The following KIF27 variants were observed in gnomAD, a reference collection of about 807,000 sequenced individuals.
KIF27 encodes kinesin-like protein KIF27.
In KIF27, 84 loss-of-function variants were observed where a neutral mutation model predicts 141.8. The observed-to-expected ratio is 0.59, with a 90% CI of 0.50 to 0.71. The LOEUF (loss-of-function observed/expected upper bound fraction) is 0.71. Ranked by LOEUF, KIF27 falls within the 30% of genes least tolerant of loss-of-function variation. The pLI, the probability that KIF27 is intolerant of heterozygous loss-of-function variation, is 0.00. For missense variants in KIF27, 1,306 were observed against 1,628.4 expected, an observed-to-expected ratio of 0.80 and a Z score of 3.41; for synonymous variants, 471 against 569.5, an observed-to-expected ratio of 0.83 and a Z score of 2.46.
At position 83,889,020 on chromosome 9, in the gene KIF27, A is replaced by G. The variant is rs191249218; in HGVS notation, c.1979+64T>C. The G allele has an allele frequency of 1.3e-4, 188 of 1,497,766 alleles. No homozygotes were observed. The African/African-American group carries it at 2.4e-3, about 19-fold the overall frequency. The allele number at this position is 1,497,766 out of a possible 1,614,324, so 92.8% of individuals were successfully genotyped here. A position where few individuals can be genotyped will look rare whatever the true frequency, so the allele number is the denominator to read the frequency against. The stretch of plus-strand genomic sequence containing the variant: ...ATATACTCCAATGGAAAAAACCTAC[A>G]CTTCTATATTTATTGCAGCATATAA... On this transcript the variant is annotated intron_variant, in intron 7 of 17. Transcript: ENST00000297814.
intron 1 of KIF27, among the ~76,000 whole-genome samples, chr9:83,917,974 A>G (rs1007716928): frequency 1.3e-5 from 2 of 152,208 alleles, no homozygotes; most frequent in African/African-American, 2.4e-5. Flanking sequence ...GAAAAATCAC[A>G]CTGTACCCCA....
chr9:83,883,017 C>A (rs1341753988), intron 10 of KIF27, among the ~76,000 whole-genome samples: 3 of 151,826 alleles, frequency 2.0e-5, no homozygotes, highest in African/African-American at 7.3e-5. Flanking sequence ...ACCGGGCACA[C>A]CAGAGGTATA....
chr9:83,842,706 T>A (rs969322908), intron 16 of KIF27, among the ~76,000 whole-genome samples: 1 of 152,140 alleles, frequency 6.6e-6, no homozygotes, highest in African/African-American at 2.4e-5. Context: ...GACCTCGTGA[T>A]CCGCCCGCCT....
chr9:83,913,715 G>C (rs1326615447), intron 2 of KIF27, among the ~76,000 whole-genome samples: 4 of 152,200 alleles, frequency 2.6e-5, no homozygotes, highest in African/African-American at 4.8e-5. Flanking sequence ...GGGATTACAG[G>C]CGTGAGCCAC....
intron 2 of KIF27, among the ~76,000 whole-genome samples, chr9:83,913,174 T>C (rs548633973): frequency 1.3e-3 from 199 of 151,306 alleles, no homozygotes; most frequent in South Asian, 4.8e-3. Flanking sequence ...GAAAGCAAAA[T>C]CAAAAACAAA....
rs566728365 is a variant in KIF27 at position 83,880,938 on chromosome 9, A to G, written c.2446-444T>C. ...AAATGTATGCAATGCATATGCATGC[A>G]AATAGCTGCATATGTATTCTATATA... On this transcript the variant is annotated intron_variant, in intron 10 of 17. Coordinates refer to ENST00000297814, the MANE Select transcript of KIF27 (RefSeq NM_017576.4). Among the ~76,000 whole-genome samples the G allele has an allele frequency of 4.6e-5, 7 of 152,376 alleles. No individual in the cohort carries two copies. The South Asian group carries it at 1.5e-3, about 32-fold the overall frequency.
intron 1 of KIF27, among the ~76,000 whole-genome samples, chr9:83,917,050 G>C (rs1955771104): frequency 6.6e-6 from 1 of 151,886 alleles, no homozygotes; most frequent in South Asian, 2.1e-4. Context: ...TGTTACATAT[G>C]TATACATGTG....
intron 5 of KIF27, among the ~76,000 whole-genome samples, chr9:83,897,177 G>C (rs570124407): frequency 2.0e-5 from 3 of 152,192 alleles, no homozygotes; most frequent in Admixed American, 6.5e-5. Flanking sequence ...GGGGAGGGAA[G>C]AAGAAAAGCA....
chr9:83,855,855 A>G (rs924586619), intron 14 of KIF27, among the ~76,000 whole-genome samples: 5 of 152,238 alleles, frequency 3.3e-5, no homozygotes, highest in Non-Finnish European at 7.3e-5. Context: ...ACAATTTCGT[A>G]TAAATTCAGT....
intron 2 of KIF27, among the ~76,000 whole-genome samples, chr9:83,909,427 T>C (rs530951592): frequency 1.3e-5 from 2 of 152,100 alleles, no homozygotes; most frequent in African/African-American, 2.4e-5. Context: ...TTGGGAAACA[T>C]GGTGAAACCC....
intron 1 of KIF27, among the ~76,000 whole-genome samples, chr9:83,918,327 G>GC (rs958925006): frequency 2.8e-5 from 4 of 144,018 alleles, no homozygotes; most frequent in Admixed American, 2.1e-4. Flanking sequence ...GAGAAATGGG[G>GC]GGGGGGCAGG....
intron 11 of KIF27, among the ~76,000 whole-genome samples, chr9:83,879,899 AC>A (rs1260095545): frequency 6.6e-6 from 1 of 152,232 alleles, no homozygotes; most frequent in Non-Finnish European, 1.5e-5. Flanking sequence ...ATGAAATGGT[AC>A]CACTTTACCT....
At chr9:83,895,262 G>GA (rs541025571) in intron 5 of KIF27, among the ~76,000 whole-genome samples, 163 of 82,868 alleles carry the variant, frequency 2.0e-3, no homozygotes, top group Admixed American at 3.3e-3. Context: ...ACTCTGCCTC[G>GA]AAAAAAAAAA....
intron 5 of KIF27, among the ~76,000 whole-genome samples, chr9:83,892,792 C>G (rs989407523): frequency 6.6e-6 from 1 of 152,122 alleles, no homozygotes; most frequent in African/African-American, 2.4e-5. Context: ...TAAGGCAAAA[C>G]TCATTAGATA....
chr9:83,894,096 G>T (rs962602290), intron 5 of KIF27, among the ~76,000 whole-genome samples: 1 of 152,150 alleles, frequency 6.6e-6, no homozygotes, highest in Non-Finnish European at 1.5e-5. Context: ...ATACTAATAT[G>T]ATTTAATTCA....
intron 12 of KIF27, among the ~76,000 whole-genome samples, chr9:83,869,591 G>A (rs1950609248): frequency 6.6e-6 from 1 of 152,158 alleles, no homozygotes; most frequent in South Asian, 2.1e-4. Flanking sequence ...GCCAGGCGTG[G>A]TGGTGGGCAC....
chr9:83,853,870 A>G, intron 14 of KIF27, 35 bp from the exon 15 acceptor site: 1 of 1,453,022 alleles, frequency 6.9e-7, no homozygotes, highest in South Asian at 1.1e-5. Flanking sequence ...TTTAAATGAA[A>G]TAGTATAACT....
intron 11 of KIF27, among the ~76,000 whole-genome samples, chr9:83,878,115 G>T (rs972137678): frequency 1.6e-5 from 2 of 123,602 alleles, no homozygotes; most frequent in Non-Finnish European, 3.2e-5. Flanking sequence ...AGTGAGCCGA[G>T]ATCACGCCAC....
chr9:83,908,501 C>A lies in KIF27; in HGVS notation c.450G>T (p.Glu150Asp). The change falls in exon 3 of 18, where the codon GAG becomes GAT. Residue 150 changes from glutamate (E) to aspartate (D), a missense_variant. Transcript: ENST00000297814. The stretch of plus-strand genomic sequence containing the variant: ...GGATGTGAAGATCCTTCATGGATGT[C>A]TCCAATTCTAGAAGATCTCTTAGGT... The part of the protein sequence containing the change: ...KEDLRDLLEL[E>D]TSMKDLHIRE... 1 of 1,612,844 alleles carries A rather than the reference C, an allele frequency of 6.2e-7. No individual in the cohort carries two copies. Among genetic ancestry groups the A allele is most frequent in the Non-Finnish European group, 8.5e-7 (1 of 1,179,274 alleles).
Sources: allele counts gnomAD v4.1 joint callset (sites outside exome capture counted in the v4.1 genomes callset), GRCh38; gene constraint gnomAD v4.1.1; transcripts MANE v1.5; gene names NCBI Gene and HGNC (gene_info 2026-07-23, HGNC 2026-07-21).